RBM33: variants seen among roughly 807,000 people sequenced by gnomAD.
RBM33 encodes the protein RNA-binding protein 33.
RBM33 carries 28 observed loss-of-function variants against 132.6 expected under a neutral mutation model. The ratio of observed to expected loss-of-function variants is 0.21; its 90% confidence interval spans 0.16 to 0.29. RBM33 has a LOEUF of 0.29. RBM33 is among the 10% of genes least tolerant of loss of function. The probability of loss-of-function intolerance (pLI) is 1.00; values close to 1 mark genes in which losing one functional copy is unlikely to be tolerated. For synonymous variants in RBM33, 634 were observed against 593.0 expected (o/e 1.07, Z -1.01); for missense variants, 1,291 against 1,518.5 (o/e 0.85, Z 2.49).
At chr7:155,726,269 CTGA>C (rs1800792626) in intron 9 of RBM33, among the ~76,000 whole-genome samples, 1 of 151,994 alleles carries the variant, frequency 6.6e-6, no homozygotes, top group Middle Eastern at 3.2e-3. Context: ...TTTAGGGAAG[CTGA>C]TAAGTCACAT....
intron 9 of RBM33, among the ~76,000 whole-genome samples, chr7:155,729,843 T>C (rs1223499380): frequency 6.6e-6 from 1 of 152,170 alleles, no homozygotes; most frequent in Non-Finnish European, 1.5e-5. Flanking sequence ...GGCTTCTGTT[T>C]GGTCCTTGTG....
intron 1 of RBM33, among the ~76,000 whole-genome samples, chr7:155,650,917 C>T (rs1444712520): frequency 1.3e-5 from 2 of 152,148 alleles, no homozygotes; most frequent in African/African-American, 4.8e-5. Flanking sequence ...CTCTATCGCC[C>T]AGGCTGGAGT....
intron 8 of RBM33, among the ~76,000 whole-genome samples, chr7:155,713,270 G>A (rs766074077): frequency 1.5e-4 from 23 of 152,260 alleles, no homozygotes; most frequent in Non-Finnish European, 2.2e-4. Flanking sequence ...TGAGAATTCA[G>A]TATAGGGGTT....
At chr7:155,714,026 G>A (rs1342685500) in intron 8 of RBM33, among the ~76,000 whole-genome samples, 1 of 152,152 alleles carries the variant, frequency 6.6e-6, no homozygotes, top group Non-Finnish European at 1.5e-5. Context: ...AGGAGGGCGT[G>A]TTGAAGGTCT....
chr7:155,739,577 A>T, intron 11 of RBM33, 138 bp from the exon 12 acceptor site: 1 of 895,876 alleles, frequency 1.1e-6, no homozygotes, highest in Non-Finnish European at 1.7e-6. Flanking sequence ...TATTACCTTC[A>T]TCAGCAAGTC....
rs781163350 is a variant in RBM33 at position 155,686,112 on chromosome 7, T to G, written c.567+5204T>G. On this transcript the variant is annotated intron_variant, in intron 5 of 17. Coordinates refer to ENST00000401878, the MANE Select transcript of RBM33 (RefSeq NM_053043.3). ...TCGCTATTTGAAATAATTTGAAACT[T>G]AGAGAAAGGACAGAATAATACAAAG... Among the ~76,000 whole-genome samples, 21 of 152,186 alleles carry G rather than the reference T, an allele frequency of 1.4e-4. 1 individual carries two copies. Among genetic ancestry groups the G allele is most frequent in the Non-Finnish European group, 2.5e-4 (17 of 68,024 alleles).
intron 14 of RBM33, among the ~76,000 whole-genome samples, chr7:155,755,498 C>T (rs1241292338): frequency 6.6e-6 from 1 of 152,156 alleles, no homozygotes; most frequent in Non-Finnish European, 1.5e-5. Flanking sequence ...AATTTTTCAT[C>T]AGGGTTAATA....
chr7:155,761,609 T>C (rs1802039095), intron 14 of RBM33, among the ~76,000 whole-genome samples: 1 of 152,222 alleles, frequency 6.6e-6, no homozygotes, highest in Non-Finnish European at 1.5e-5. Context: ...TTAAATTTCT[T>C]AGGGTCCATT....
intron 9 of RBM33, among the ~76,000 whole-genome samples, chr7:155,719,505 T>G (rs1174310441): frequency 6.6e-6 from 1 of 152,192 alleles, no homozygotes; most frequent in Non-Finnish European, 1.5e-5. Flanking sequence ...AGCTGGTTCT[T>G]CCTGATTTCT....
chr7:155,645,152 C>T (rs1798145819), intron 1 of RBM33: 1 of 442,630 alleles, frequency 2.3e-6, no homozygotes, highest in Non-Finnish European at 4.0e-6. Flanking sequence ...TGTGTGTCCT[C>T]TACTTTGCAA....
At position 155,781,400 on chromosome 7, in the gene RBM33, G is replaced by A. The variant is rs1802830800; in HGVS notation, c.*6359G>A. 6.6e-6 allele frequency: 1 copy of A among 152,244 alleles called. No homozygotes were observed. The highest frequency in any genetic ancestry group is 2.1e-4 in the South Asian group (1 of 4,838). The allele number at this position is 152,244 out of a possible 1,614,324, so 9.4% of individuals were successfully genotyped here. The stretch of plus-strand genomic sequence containing the variant: ...ATGTACTGTTGTGTGTTTCATTTGT[G>A]TGATTTCGTACCAAAAAAATGTGTT... On this transcript the variant is annotated 3_prime_UTR_variant, in exon 18 of 18. Coordinates refer to ENST00000401878, the MANE Select transcript of RBM33 (RefSeq NM_053043.3).
intron 9 of RBM33, among the ~76,000 whole-genome samples, chr7:155,731,161 C>T (rs1231235634): frequency 1.3e-5 from 2 of 152,156 alleles, no homozygotes; most frequent in African/African-American, 2.4e-5. Flanking sequence ...TTCCCAGTTA[C>T]ATTTTGCCTT....
intron 7 of RBM33, among the ~76,000 whole-genome samples, chr7:155,708,976 G>A (rs551757918): frequency 2.0e-5 from 3 of 151,176 alleles, no homozygotes; most frequent in African/African-American, 4.9e-5. Context: ...GTCCTGAATG[G>A]TGCCCTCAAG....
chr7:155,749,934 T>C (rs1801641609), intron 14 of RBM33, among the ~76,000 whole-genome samples: 2 of 152,246 alleles, frequency 1.3e-5, no homozygotes, highest in Non-Finnish European at 2.9e-5. Context: ...AAGGGAAATA[T>C]TAGGGGAATT....
chr7:155,659,760 A>T (rs1243144344), intron 1 of RBM33, among the ~76,000 whole-genome samples: 1 of 152,228 alleles, frequency 6.6e-6, no homozygotes, highest in Non-Finnish European at 1.5e-5. Flanking sequence ...CACACTGGAT[A>T]TATTAAAACA....
rs899903763 is a variant in RBM33, at chr7:155,709,925, C to T, written c.949-1278C>T. Among the ~76,000 whole-genome samples the T allele has an allele frequency of 2.6e-5, 4 of 152,316 alleles. No individual in the cohort carries two copies. In the South Asian group the frequency reaches 8.3e-4, roughly 32 times the overall value. ...TAGTTTTAGAATTCTACTCATTGTT[C>T]CTCTGAGATGTCTTCTTGCTCTTTG... On this transcript the variant is annotated intron_variant, in intron 7 of 17. Coordinates refer to ENST00000401878, the MANE Select transcript of RBM33 (RefSeq NM_053043.3).
chr7:155,667,578 C>G (rs1238322488), intron 2 of RBM33, among the ~76,000 whole-genome samples: 1 of 152,076 alleles, frequency 6.6e-6, no homozygotes, highest in Non-Finnish European at 1.5e-5. Flanking sequence ...TGTAGCCTGT[C>G]TTTTATGACG....
chr7:155,719,917 A>G (rs1277924311), intron 9 of RBM33, among the ~76,000 whole-genome samples: 1 of 152,232 alleles, frequency 6.6e-6, no homozygotes, highest in African/African-American at 2.4e-5. Flanking sequence ...TAAACTTAGA[A>G]TAGTCAATTG....
At chr7:155,706,742 G>A (rs749786652) in intron 6 of RBM33, 118 bp from the exon 7 acceptor site, 38 of 789,222 alleles carry the variant, frequency 4.8e-5, no homozygotes, top group Non-Finnish European at 6.6e-5. Context: ...TGTTTCCTGC[G>A]GGTGAAGCAC....
Sources: gnomAD v4.1 joint callset for allele counts (sites outside exome capture counted in the v4.1 genomes callset) on GRCh38, gnomAD v4.1.1 for gene constraint, MANE v1.5 for transcripts, NCBI Gene and HGNC (gene_info 2026-07-23, HGNC 2026-07-21) for gene names.